Variants in ABITRAM observed in about 807,000 individuals in gnomAD.
The protein encoded by ABITRAM is protein Abitram.
Under a neutral mutation model 22.9 loss-of-function variants are expected in ABITRAM, and 19 were observed. That is an observed-to-expected ratio of 0.83 (90% CI 0.58 to 1.22). ABITRAM has a LOEUF of 1.22. Ranked by LOEUF, ABITRAM falls within the 50% of genes most tolerant of loss-of-function variation. The probability of loss-of-function intolerance (pLI) is 0.00; values close to 1 mark genes in which losing one functional copy is unlikely to be tolerated. For synonymous variants in ABITRAM, 70 were observed against 73.9 expected (o/e 0.95, Z 0.27); for missense variants, 215 against 220.2 (o/e 0.98, Z 0.15).
At chr9:108,945,424 G>GT (rs889152184), downstream of ABITRAM, among the ~76,000 whole-genome samples, 8 of 138,042 alleles carry the variant, frequency 5.8e-5, no homozygotes, top group South Asian at 4.7e-4. Flanking sequence ...AATGTATTTT[G>GT]TTTTTTTTTA....
rs1416619839 is a variant in ABITRAM, at chr9:108,934,435, G to A, written c.-52G>A. 1 of 1,515,524 alleles carries A rather than the reference G, an allele frequency of 6.6e-7. No individual in the cohort carries two copies. The highest frequency in any genetic ancestry group is 8.9e-7 in the Non-Finnish European group (1 of 1,121,438). The allele number at this position is 1,515,524 out of a possible 1,614,324, so 93.9% of individuals were successfully genotyped here. On this transcript the variant is annotated 5_prime_UTR_variant, in exon 1 of 6. Transcript: ENST00000322940. ...AGAGCACGCCCAGTCCGGGCTGCGC[G>A]GAGGAAGCGCTGGGGTCCCGGAGGG...
At chr9:108,942,387 G>A (rs1351777311), downstream of ABITRAM, among the ~76,000 whole-genome samples, 1 of 152,196 alleles carries the variant, frequency 6.6e-6, no homozygotes, top group African/African-American at 2.4e-5. Context: ...ACTACTGTAT[G>A]TTTGCTGCTG....
Position 108,939,789 on chromosome 9 carries a change from G to A in ABITRAM, c.*103G>A. ...CAGTATATGTAAAGCATACCTAACA[G>A]CCAGCCATATGCAGGGGAGGCCTAG... On this transcript the variant is annotated 3_prime_UTR_variant, in exon 6 of 6. Transcript: ENST00000322940. 2 of 1,366,732 alleles carry A rather than the reference G, an allele frequency of 1.5e-6. No homozygotes were observed. The highest frequency in any genetic ancestry group is 1.9e-4 in the Middle Eastern group (1 of 5,350). 84.7% of individuals were successfully genotyped at this position (1,366,732 alleles called of 1,614,324 possible).
intron 3 of ABITRAM, among the ~76,000 whole-genome samples, chr9:108,949,248 T>A (rs1830491295): frequency 1.3e-5 from 2 of 152,180 alleles, no homozygotes; most frequent in Admixed American, 1.3e-4. Context: ...AACTATATTC[T>A]AGGAAGAAGT....
downstream of ABITRAM, among the ~76,000 whole-genome samples, chr9:108,943,225 G>C (rs1017051690): frequency 1.3e-5 from 2 of 152,182 alleles, no homozygotes; most frequent in Admixed American, 1.3e-4. Flanking sequence ...AGGGGTAGCT[G>C]CCTAGATTTC....
downstream of ABITRAM, chr9:108,943,718 A>G: frequency 1.2e-6 from 2 of 1,611,628 alleles, no homozygotes; most frequent in East Asian, 2.2e-5. Context: ...GAAATACTTT[A>G]TTCTGCAAAG....
chr9:108,945,712 T>A (rs1433415538), downstream of ABITRAM, among the ~76,000 whole-genome samples: 1 of 151,762 alleles, frequency 6.6e-6, no homozygotes, highest in African/African-American at 2.4e-5. Flanking sequence ...TGGACTCAAG[T>A]GATCCTCCCA....
intron 3 of ABITRAM, among the ~76,000 whole-genome samples, chr9:108,938,456 A>C (rs1336655315): frequency 6.6e-6 from 1 of 152,200 alleles, no homozygotes; most frequent in Non-Finnish European, 1.5e-5. Flanking sequence ...CTCCCTGTAG[A>C]TACTTGTGAG....
At chr9:108,950,060 TGAA>T (rs369520556) in intron 3 of ABITRAM, among the ~76,000 whole-genome samples, 22 of 151,144 alleles carry the variant, frequency 1.5e-4, no homozygotes, top group South Asian at 4.2e-4. Flanking sequence ...AGTCTATTGA[TGAA>T]CCCTTCATTT....
chr9:108,934,426 G>A lies in ABITRAM; in HGVS notation c.-61G>A, dbSNP rs1334617539. Reference sequence around the variant, plus strand: ...TGCGCCGGAAGAGCACGCCCAGTCCGGGCTGCGCGGAGGAAGCGCTGGGGT... The same window carrying A: ...TGCGCCGGAAGAGCACGCCCAGTCCAGGCTGCGCGGAGGAAGCGCTGGGGT... On this transcript the variant is annotated 5_prime_UTR_variant, in exon 1 of 6. Coordinates refer to ENST00000322940, the MANE Select transcript of ABITRAM (RefSeq NM_017832.4). The A allele has an allele frequency of 1.3e-5, 19 of 1,468,778 alleles. No homozygotes were observed. Among genetic ancestry groups the A allele is most frequent in the Non-Finnish European group, 1.7e-5 (18 of 1,087,324 alleles). 91.0% of individuals were successfully genotyped at this position (1,468,778 alleles called of 1,614,324 possible). A position where few individuals can be genotyped will look rare whatever the true frequency, so the allele number is the denominator to read the frequency against.
chr9:108,945,488 G>A (rs186488305), downstream of ABITRAM, among the ~76,000 whole-genome samples: 1 of 147,832 alleles, frequency 6.8e-6, no homozygotes, highest in South Asian at 2.1e-4. Flanking sequence ...TTGAGACAGG[G>A]TCTCACTCTG....
At chr9:108,948,647 T>C (rs1830472894) in intron 3 of ABITRAM, among the ~76,000 whole-genome samples, 1 of 152,232 alleles carries the variant, frequency 6.6e-6, no homozygotes, top group Non-Finnish European at 1.5e-5. Flanking sequence ...ATTCTGGTAG[T>C]AACTCAGTTA....
chr9:108,947,383 G>C (rs1457467395), intron 3 of ABITRAM, among the ~76,000 whole-genome samples: 1 of 152,102 alleles, frequency 6.6e-6, no homozygotes, highest in Non-Finnish European at 1.5e-5. Flanking sequence ...AAAGTGCTGG[G>C]ATTACAGGCG....
rs377286584 is a variant in ABITRAM, at chr9:108,939,182, G to A, written c.262-14G>A. The A allele has an allele frequency of 5.8e-5, 94 of 1,610,288 alleles. 1 individual carries two copies. Among genetic ancestry groups the A allele is most frequent in the Admixed American group, 1.0e-4 (6 of 59,370 alleles). Reference sequence around the variant, plus strand: ...TGTCCATCAACTGATTACTTCTTCCGTCTCATTACACAGGGGGCACAGTTT... The same window carrying A: ...TGTCCATCAACTGATTACTTCTTCCATCTCATTACACAGGGGGCACAGTTT... On this transcript the variant is annotated splice_polypyrimidine_tract_variant and intron_variant, in intron 3 of 5. Transcript: ENST00000322940.
At chr9:108,946,926 A>G (rs950996193) in intron 3 of ABITRAM, among the ~76,000 whole-genome samples, 1 of 152,136 alleles carries the variant, frequency 6.6e-6, no homozygotes, top group Non-Finnish European at 1.5e-5. Flanking sequence ...TGAAAAAAAA[A>G]ATAAATTCAG....
Position 108,934,509 on chromosome 9 carries a change from CG to C in ABITRAM, c.25del (p.Glu9SerfsTer84). MATEPEA[A>X]EPVVPSLVDR... Reference sequence around the variant, plus strand: ...GCCATGGCTACCGAGCCCGAAGCCGCGGAGCCGGTGGTGCCTTCGCTCGTGG... The same window carrying C: ...GCCATGGCTACCGAGCCCGAAGCCGCGAGCCGGTGGTGCCTTCGCTCGTGG... On this transcript the variant is annotated frameshift_variant, in exon 1 of 6. Transcript: ENST00000322940. LOFTEE classifies it high-confidence loss of function. 1 of 1,605,410 alleles carries C rather than the reference CG, an allele frequency of 6.2e-7. No individual in the cohort carries two copies. Among genetic ancestry groups the C allele is most frequent in the Non-Finnish European group, 8.5e-7 (1 of 1,177,032 alleles).
At chr9:108,941,666 G>C (rs1376851671), downstream of ABITRAM, among the ~76,000 whole-genome samples, 1 of 152,124 alleles carries the variant, frequency 6.6e-6, no homozygotes, top group Non-Finnish European at 1.5e-5. Flanking sequence ...TACTGATTGT[G>C]GTGGCTGACC....
chr9:108,943,102 C>A (rs184712405), downstream of ABITRAM: 70 of 1,435,332 alleles, frequency 4.9e-5, no homozygotes, highest in East Asian at 1.4e-3. Context: ...AAAGACCTTA[C>A]CATTTATTTA....
chr9:108,942,994 T>C, downstream of ABITRAM: 1 of 1,613,044 alleles, frequency 6.2e-7, no homozygotes, highest in Non-Finnish European at 8.5e-7. Context: ...GTGAAAGAAG[T>C]TGGACTAAGA....
Sources: allele counts gnomAD v4.1 joint callset (sites outside exome capture counted in the v4.1 genomes callset), GRCh38; gene constraint gnomAD v4.1.1; transcripts MANE v1.5; gene names NCBI Gene and HGNC (gene_info 2026-07-23, HGNC 2026-07-21).